The following STX8 variants were observed in gnomAD, a reference collection of about 807,000 sequenced individuals.
The protein encoded by STX8 is syntaxin-8.
STX8 carries 23 observed loss-of-function variants against 37.5 expected under a neutral mutation model. That is an observed-to-expected ratio of 0.61 (90% CI 0.44 to 0.87). The LOEUF is 0.87. Ranked by LOEUF, STX8 falls within the 40% of genes least tolerant of loss-of-function variation. The probability of loss-of-function intolerance (pLI) is 0.00; values close to 1 mark genes in which losing one functional copy is unlikely to be tolerated. For synonymous variants in STX8, 115 were observed against 99.1 expected (o/e 1.16, Z -0.95); for missense variants, 313 against 284.7 (o/e 1.10, Z -0.71).
chr17:9,250,643 T>A lies in STX8; in HGVS notation c.646A>T (p.Met216Leu), dbSNP rs1260718250. The change falls in exon 8 of 8, where the codon ATG becomes TTG. Residue 216 changes from methionine to leucine, a missense_variant and splice_region_variant. Physicochemically the swap from Met to Leu is conservative, Grantham distance 15. Coordinates refer to ENST00000306357, the MANE Select transcript of STX8 (RefSeq NM_004853.3). ...AGCAGCAGTAAAATCACCATGATCA[T>A]CCCTGGAAAAAAGCAGCAGAAAATA... ...MVDRKSASCGMIMVILLLLVA... is the reference protein window; with the variant it reads ...MVDRKSASCGLIMVILLLLVA... 1.3e-6 allele frequency: 2 copies of A among 1,595,192 alleles called. No individual in the cohort carries two copies. The highest frequency in any genetic ancestry group is 1.7e-6 in the Non-Finnish European group (2 of 1,170,734).
chr17:9,250,715 T>C (rs1906542180), intron 7 of STX8, 70 bp from the exon 8 acceptor site: 3 of 1,458,362 alleles, frequency 2.1e-6, no homozygotes, highest in East Asian at 4.9e-5. Flanking sequence ...ATTCTGAGTG[T>C]CTGCAGAGAC....
intron 5 of STX8, among the ~76,000 whole-genome samples, chr17:9,494,537 G>A (rs1024729320): frequency 7.1e-6 from 1 of 140,716 alleles, no homozygotes; most frequent in Non-Finnish European, 1.5e-5. Context: ...GATCACTTGA[G>A]CATGGGAGGC....
intron 6 of STX8, among the ~76,000 whole-genome samples, chr17:9,465,576 C>T (rs1442707543): frequency 6.6e-6 from 1 of 152,160 alleles, no homozygotes; most frequent in East Asian, 1.9e-4. Flanking sequence ...TCAGCCATAT[C>T]ACAGGTGTGC....
chr17:9,491,795 C>T (rs753819707), intron 6 of STX8, 34 bp downstream of exon 6: 32 of 1,554,928 alleles, frequency 2.1e-5, no homozygotes, highest in Admixed American at 1.6e-4. Flanking sequence ...TTTATGTCAA[C>T]GGCAAATCTG....
intron 6 of STX8, among the ~76,000 whole-genome samples, chr17:9,459,945 C>T (rs959831434): frequency 6.6e-6 from 1 of 152,174 alleles, no homozygotes; most frequent in African/African-American, 2.4e-5. Context: ...ATCTAGAACT[C>T]GCTACTGGCA....
At chr17:9,318,887 A>C (rs947729514) in intron 7 of STX8, among the ~76,000 whole-genome samples, 3 of 152,200 alleles carry the variant, frequency 2.0e-5, no homozygotes, top group Admixed American at 6.5e-5. Flanking sequence ...ACAGGATAAC[A>C]ATGAATAGAA....
intron 7 of STX8, among the ~76,000 whole-genome samples, chr17:9,367,235 AG>A (rs1280382334): frequency 6.6e-6 from 1 of 151,178 alleles, no homozygotes; most frequent in Non-Finnish European, 1.5e-5. Flanking sequence ...TCTGTTTTGA[AG>A]GTGCTCCTGT....
At chr17:9,565,755 C>G (rs1315591187) in intron 2 of STX8, among the ~76,000 whole-genome samples, 1 of 152,106 alleles carries the variant, frequency 6.6e-6, no homozygotes, top group Non-Finnish European at 1.5e-5. Flanking sequence ...CTGGCTACCA[C>G]GTGCAGAAGA....
chr17:9,495,802 G>T (rs1158622463), intron 5 of STX8, among the ~76,000 whole-genome samples: 1 of 152,212 alleles, frequency 6.6e-6, no homozygotes, highest in African/African-American at 2.4e-5. Context: ...GCTTCCCCAA[G>T]TCCTGAAGAG....
chr17:9,454,677 CAAAAA>C (rs71135986), intron 6 of STX8, among the ~76,000 whole-genome samples: 6 of 128,930 alleles, frequency 4.7e-5, no homozygotes, highest in Non-Finnish European at 6.2e-5. Flanking sequence ...GAGACTGTCT[CAAAAA>C]AAAAAAAACA....
At chr17:9,273,347 G>A (rs1302737729) in intron 7 of STX8, 1 of 152,232 alleles carries the variant, frequency 6.6e-6, no homozygotes, top group East Asian at 1.9e-4. Flanking sequence ...AAGGGAGAGG[G>A]CTAAGAGCTC....
At chr17:9,421,392 C>CAAA (rs1555525649) in intron 6 of STX8, among the ~76,000 whole-genome samples, 1 of 56,768 alleles carries the variant, frequency 1.8e-5, no homozygotes, top group Admixed American at 2.6e-4. Flanking sequence ...AACTCCATCT[C>CAAA]AAAAAAAAAA....
At chr17:9,398,985 G>T (rs1462691253) in intron 6 of STX8, among the ~76,000 whole-genome samples, 1 of 149,776 alleles carries the variant, frequency 6.7e-6, no homozygotes, top group Non-Finnish European at 1.5e-5. Context: ...GGAAGTGGAG[G>T]TTGCAGTGAG....
At chr17:9,393,569 G>C (rs1399229154) in intron 6 of STX8, among the ~76,000 whole-genome samples, 1 of 152,026 alleles carries the variant, frequency 6.6e-6, no homozygotes. Context: ...GGGCCTATAG[G>C]GTGTAAGGTT....
At chr17:9,470,774 T>C (rs1905816494) in intron 6 of STX8, among the ~76,000 whole-genome samples, 1 of 152,144 alleles carries the variant, frequency 6.6e-6, no homozygotes, top group Non-Finnish European at 1.5e-5. Flanking sequence ...TCTCCCAGGC[T>C]GGAGTGCAGT....
chr17:9,400,797 A>G (rs1912587501), intron 6 of STX8, among the ~76,000 whole-genome samples: 1 of 152,238 alleles, frequency 6.6e-6, no homozygotes, highest in Non-Finnish European at 1.5e-5. Flanking sequence ...GCTCTGTTGT[A>G]TCTTGTTGGT....
intron 2 of STX8, among the ~76,000 whole-genome samples, chr17:9,565,267 ACT>A: frequency 6.6e-6 from 1 of 152,252 alleles, no homozygotes; most frequent in South Asian, 2.1e-4. Context: ...CCAACTTCAA[ACT>A]ATACTACAGG....
chr17:9,260,943 G>A (rs1907000277), intron 7 of STX8, among the ~76,000 whole-genome samples: 2 of 152,234 alleles, frequency 1.3e-5, no homozygotes, highest in Admixed American at 1.3e-4. Flanking sequence ...AAAGAGAACG[G>A]TGTGAAGAGA....
intron 6 of STX8, among the ~76,000 whole-genome samples, chr17:9,481,995 A>T (rs1027088575): frequency 2.0e-5 from 3 of 152,138 alleles, no homozygotes; most frequent in African/African-American, 7.2e-5. Context: ...GTTCTATGGC[A>T]ACCTAGACTT....
Sources: gnomAD v4.1 joint callset for allele counts (sites outside exome capture counted in the v4.1 genomes callset) on GRCh38, gnomAD v4.1.1 for gene constraint, MANE v1.5 for transcripts, NCBI Gene and HGNC (gene_info 2026-07-23, HGNC 2026-07-21) for gene names.